Variants in TBC1D1 observed in about 807,000 individuals in gnomAD.
TBC1D1 encodes TBC1 (tre-2/USP6, BUB2, cdc16) domain family, member 1.
A neutral mutation model predicts 125.6 loss-of-function variants in TBC1D1; 89 were observed. The observed-to-expected ratio is 0.71, with a 90% CI of 0.60 to 0.85. The LOEUF is 0.85. Among genes scored for constraint, TBC1D1 ranks in the 40% least tolerant of loss-of-function variants. TBC1D1 has a pLI of 0.00. For missense variants in TBC1D1, 1,377 were observed against 1,469.2 expected, an observed-to-expected ratio of 0.94 and a Z score of 1.03; for synonymous variants, 565 against 564.1, an observed-to-expected ratio of 1.00 and a Z score of -0.02.
intron 2 of TBC1D1, among the ~76,000 whole-genome samples, chr4:37,932,836 C>T (rs188347209): frequency 1.3e-5 from 2 of 152,216 alleles, no homozygotes; most frequent in African/African-American, 2.4e-5. Context: ...AGTGGGAGAT[C>T]ATTTGAGGTC....
At chr4:37,914,286 T>A (rs1371289187) in intron 2 of TBC1D1, among the ~76,000 whole-genome samples, 1 of 152,164 alleles carries the variant, frequency 6.6e-6, no homozygotes, top group Non-Finnish European at 1.5e-5. Flanking sequence ...TAACTACACA[T>A]CTCAAACTCA....
intron 2 of TBC1D1, among the ~76,000 whole-genome samples, chr4:37,967,016 C>T (rs1731204258): frequency 6.6e-6 from 1 of 152,124 alleles, no homozygotes; most frequent in Non-Finnish European, 1.5e-5. Flanking sequence ...GGAAAAAATT[C>T]AAATTGTTTT....
intron 9 of TBC1D1, among the ~76,000 whole-genome samples, chr4:38,045,534 G>A (rs1162644172): frequency 6.6e-6 from 1 of 152,140 alleles, no homozygotes; most frequent in Non-Finnish European, 1.5e-5. Flanking sequence ...GTGGGCTTGA[G>A]CACTTGATTT....
intron 6 of TBC1D1, among the ~76,000 whole-genome samples, chr4:38,022,150 G>A (rs1744172515): frequency 6.6e-6 from 1 of 152,152 alleles, no homozygotes; most frequent in Non-Finnish European, 1.5e-5. Flanking sequence ...ATGGAGAGGA[G>A]GTAGCAGAAA....
rs529950814 is a variant in TBC1D1, at chr4:37,967,212, G to A, written c.418-47297G>A. Among the ~76,000 whole-genome samples the A allele has an allele frequency of 1.3e-3, 195 of 152,230 alleles. 1 individual carries two copies. The highest frequency in any genetic ancestry group is 4.4e-3 in the African/African-American group (183 of 41,544). On this transcript the variant is annotated intron_variant, in intron 2 of 19. Coordinates refer to ENST00000261439, the MANE Select transcript of TBC1D1 (RefSeq NM_015173.4). ...AGGAATTTTATTAAGATAAAAAAGA[G>A]GGCCGGGCACAGTGGCTCACATCTG...
In TBC1D1 at chr4:37,918,516, C is replaced by T. The variant is rs376087978; in HGVS notation, c.417+16004C>T. ...AGGCTGGGGTGCAGTGGCACAATCT[C>T]AGCTCACTGCAACCTCTGCCTCCCA... On this transcript the variant is annotated intron_variant, in intron 2 of 19. Transcript: ENST00000261439. 6.0e-5 allele frequency among the ~76,000 whole-genome samples: 9 copies of T among 151,220 alleles called. No homozygotes were observed. In the East Asian group the frequency reaches 1.2e-3, roughly 20 times the overall value.
At chr4:38,122,830 TAATAA>T (rs1386837778) in intron 17 of TBC1D1, among the ~76,000 whole-genome samples, 6 of 152,290 alleles carry the variant, frequency 3.9e-5, no homozygotes, top group South Asian at 2.1e-4. Flanking sequence ...CAAACAGATA[TAATAA>T]AATAAATCAT....
chr4:38,116,317 C>T (rs1762977728), intron 16 of TBC1D1, among the ~76,000 whole-genome samples: 1 of 152,188 alleles, frequency 6.6e-6, no homozygotes. Flanking sequence ...ACCTCCCAGC[C>T]TCTGCATCTG....
intron 1 of TBC1D1, among the ~76,000 whole-genome samples, chr4:37,901,047 G>C (rs1047341154): frequency 2.7e-5 from 4 of 147,250 alleles, no homozygotes; most frequent in African/African-American, 1.0e-4. Flanking sequence ...ACTCCAGCCC[G>C]GGCAACAGAG....
At position 38,027,831 on chromosome 4, in the gene TBC1D1, G is replaced by C. The variant is rs112435875; in HGVS notation, c.1254G>C (p.Leu418=). 0.023 allele frequency: 36,909 copies of C among 1,613,188 alleles called. 608 individuals are homozygous for C. The highest frequency in any genetic ancestry group is 0.062 in the South Asian group (5,629 of 90,918). The change falls in exon 7 of 20, where the codon CTG becomes CTC. Residue 418 remains leucine (L), a synonymous_variant. Transcript: ENST00000261439. The stretch of plus-strand genomic sequence containing the variant: ...CAAAACTAGAACTGCAAAAGCACCT[G>C]ACGACATTAACCAATCAGGAGCAGG...
At chr4:37,919,416 C>A (rs558748738) in intron 2 of TBC1D1, among the ~76,000 whole-genome samples, 2 of 150,986 alleles carry the variant, frequency 1.3e-5, no homozygotes, top group Admixed American at 6.6e-5. Context: ...AAACTCCTGA[C>A]CTCAAGTGAT....
At chr4:38,132,133 G>GC (rs1765683311) in intron 18 of TBC1D1, among the ~76,000 whole-genome samples, 1 of 151,840 alleles carries the variant, frequency 6.6e-6, no homozygotes, top group Non-Finnish European at 1.5e-5. Context: ...GGCAGTTTCT[G>GC]CCCTTTTAAA....
intron 8 of TBC1D1, among the ~76,000 whole-genome samples, chr4:38,037,498 C>A (rs1378883593): frequency 6.6e-6 from 1 of 152,056 alleles, no homozygotes; most frequent in Non-Finnish European, 1.5e-5. Flanking sequence ...TTTTTCAGAG[C>A]AGCAGCTGCT....
chr4:37,922,504 G>T (rs1029927190), intron 2 of TBC1D1, among the ~76,000 whole-genome samples: 2 of 152,278 alleles, frequency 1.3e-5, no homozygotes, highest in East Asian at 3.9e-4. Context: ...CCTTTAAGCC[G>T]TCCTGAATCA....
At chr4:38,114,263 A>G (rs1762609502) in intron 15 of TBC1D1, among the ~76,000 whole-genome samples, 1 of 152,206 alleles carries the variant, frequency 6.6e-6, no homozygotes, top group Non-Finnish European at 1.5e-5. Flanking sequence ...TGACTTGTGC[A>G]GGGTATATCT....
chr4:38,108,503 A>T (rs1761707998), intron 15 of TBC1D1, among the ~76,000 whole-genome samples: 1 of 152,190 alleles, frequency 6.6e-6, no homozygotes, highest in South Asian at 2.1e-4. Flanking sequence ...ACAGTTTATA[A>T]TCCCTGCAAG....
At chr4:37,999,104 T>C (rs1259963898) in intron 2 of TBC1D1, among the ~76,000 whole-genome samples, 1 of 151,840 alleles carries the variant, frequency 6.6e-6, no homozygotes, top group East Asian at 1.9e-4. Context: ...CAAAAATTAG[T>C]CGGGTGTGGT....
At chr4:38,043,202 GT>G (rs1029112001) in intron 8 of TBC1D1, among the ~76,000 whole-genome samples, 21 of 150,300 alleles carry the variant, frequency 1.4e-4, no homozygotes, top group Non-Finnish European at 2.8e-4. Flanking sequence ...GCGCCTGGCC[GT>G]TTTTTTTTCT....
chr4:38,058,913 A>G (rs562237240), intron 12 of TBC1D1, among the ~76,000 whole-genome samples: 23 of 152,334 alleles, frequency 1.5e-4, no homozygotes, highest in African/African-American at 4.8e-4. Flanking sequence ...CTAACTAAAT[A>G]TAGTGTAAAA....
Sources: gnomAD v4.1 joint callset for allele counts (sites outside exome capture counted in the v4.1 genomes callset) on GRCh38, gnomAD v4.1.1 for gene constraint, MANE v1.5 for transcripts, NCBI Gene and HGNC (gene_info 2026-07-23, HGNC 2026-07-21) for gene names.